TMEM141: variants seen among roughly 807,000 people sequenced by gnomAD.
TMEM141 encodes the protein transmembrane protein 141.
TMEM141 carries 18 observed loss-of-function variants against 15.9 expected under a neutral mutation model. The ratio of observed to expected loss-of-function variants is 1.13; its 90% CI spans 0.78 to 1.68. TMEM141 has a LOEUF of 1.68. Ranked by LOEUF, TMEM141 falls within the 40% of genes most tolerant of loss-of-function variation. The pLI, the probability that TMEM141 is intolerant of heterozygous loss-of-function variation, is 0.00. For missense variants in TMEM141, 161 were observed against 139.5 expected, an observed-to-expected ratio of 1.15 and a Z score of -0.78; for synonymous variants, 69 against 54.0, an observed-to-expected ratio of 1.28 and a Z score of -1.22.
intron 1 of TMEM141, 101 bp downstream of exon 1, chr9:136,791,525 C>A: frequency 6.5e-7 from 1 of 1,543,700 alleles, no homozygotes. Flanking sequence ...GGAAGAGTGG[C>A]GGAGGCTGGG....
chr9:136,792,928 T>G lies in TMEM141; in HGVS notation c.*96T>G. 2 of 1,397,432 alleles carry G rather than the reference T, an allele frequency of 1.4e-6. No homozygotes were observed. The highest frequency in any genetic ancestry group is 1.9e-6 in the Non-Finnish European group (2 of 1,069,656). The allele number at this position is 1,397,432 out of a possible 1,614,324, so 86.6% of individuals were successfully genotyped here. A position where few individuals can be genotyped will look rare whatever the true frequency, so the allele number is the denominator to read the frequency against. ...CCCCAGGCCGACCCTCCCCACACCC[T>G]AGGGTACCCCAGTCGTATCCTCTGT... On this transcript the variant is annotated 3_prime_UTR_variant, in exon 5 of 5. Transcript: ENST00000290079.
chr9:136,792,333 G>A lies in TMEM141; in HGVS notation c.288G>A (p.Gly96=), dbSNP rs748490308. 2.5e-6 allele frequency: 4 copies of A among 1,581,688 alleles called. No homozygotes were observed. The highest frequency in any genetic ancestry group is 3.4e-6 in the Non-Finnish European group (4 of 1,163,408). ...CNNLWLFLET[G]QLPKDRSTDQ... is the part of the protein sequence containing the mutation. ...ACCTCTGGCTCTTCCTGGAGACCGGGCAGCTCCCCAAAGACAGGAGCACAG... is the reference window on the plus strand; with the variant it reads ...ACCTCTGGCTCTTCCTGGAGACCGGACAGCTCCCCAAAGACAGGAGCACAG... Residue 96 remains glycine (G), a synonymous_variant, in exon 4 of 5, where the codon GGG becomes GGA. Coordinates refer to ENST00000290079, the MANE Select transcript of TMEM141 (RefSeq NM_032928.4).
rs1442206720 is a variant in TMEM141, at chr9:136,791,743, C to T, written c.87C>T (p.His29=). The T allele has an allele frequency of 3.1e-6, 5 of 1,613,540 alleles. No homozygotes were observed. Among genetic ancestry groups the T allele is most frequent in the African/African-American group, 2.7e-5 (2 of 75,040 alleles). ...GLGEYAACQS[H]AFMKGVFTFV... ...GGGAGTATGCCGCATGCCAGTCACA[C>T]GCCTTCATGAAGGGCGTTTTCACCT... The change falls in exon 2 of 5, where the codon CAC becomes CAT. Residue 29 remains histidine, a synonymous_variant. Coordinates refer to ENST00000290079, the MANE Select transcript of TMEM141 (RefSeq NM_032928.4).
rs755145111 is a variant in TMEM141 at position 136,792,800 on chromosome 9, C to G, written c.314-19C>G. ...CACGATGGATGTGGTTCGAGCTTGTCTCTCTTTGCCTTTTACAGATCAGAG... is the reference window on the plus strand; with the variant it reads ...CACGATGGATGTGGTTCGAGCTTGTGTCTCTTTGCCTTTTACAGATCAGAG... On this transcript the variant is annotated intron_variant, in intron 4 of 4. Coordinates refer to ENST00000290079, the MANE Select transcript of TMEM141 (RefSeq NM_032928.4). 1 of 1,552,018 alleles carries G rather than the reference C, an allele frequency of 6.4e-7. No homozygotes were observed. The highest frequency in any genetic ancestry group is 1.2e-5 in the South Asian group (1 of 82,802).
At chr9:136,791,489 C>T in intron 1 of TMEM141, 65 bp downstream of exon 1, 3 of 1,547,422 alleles carry the variant, frequency 1.9e-6, no homozygotes, top group Non-Finnish European at 2.6e-6. Context: ...AGGCGGGGGG[C>T]CGGGGCGTGG....
At position 136,792,864 on chromosome 9, in the gene TMEM141, G is replaced by T; in HGVS notation, c.*32G>T. 6.5e-7 allele frequency: 1 copy of T among 1,529,554 alleles called. No individual in the cohort carries two copies. Among genetic ancestry groups the T allele is most frequent in the Non-Finnish European group, 8.8e-7 (1 of 1,137,444 alleles). The allele number at this position is 1,529,554 out of a possible 1,614,324, so 94.7% of individuals were successfully genotyped here. A position where few individuals can be genotyped will look rare whatever the true frequency, so the allele number is the denominator to read the frequency against. On this transcript the variant is annotated 3_prime_UTR_variant, in exon 5 of 5. Coordinates refer to ENST00000290079, the MANE Select transcript of TMEM141 (RefSeq NM_032928.4). The stretch of plus-strand genomic sequence containing the variant: ...TCCAGCAGGGGCACAGAGGATTGGG[G>T]GCAGGAGGAGTCTGGAACACAGCCT...
intron 2 of TMEM141, 63 bp from the exon 3 acceptor site, chr9:136,791,884 C>CCTG: frequency 6.2e-7 from 1 of 1,611,714 alleles, no homozygotes; most frequent in Non-Finnish European, 8.5e-7. Flanking sequence ...GTGCTGGGGG[C>CCTG]CTGGCAAGGT....
chr9:136,792,100 C>G (rs959987307), intron 3 of TMEM141, 70 bp downstream of exon 3: 10 of 1,593,446 alleles, frequency 6.3e-6, no homozygotes, highest in Middle Eastern at 1.7e-4. Flanking sequence ...GGCTGTGGTT[C>G]TGCGTCCCTG....
Position 136,792,965 on chromosome 9 carries a change from GC to G in TMEM141, c.*135del. The G allele has an allele frequency of 8.1e-7, 1 of 1,237,522 alleles. No homozygotes were observed. Among genetic ancestry groups the G allele is most frequent in the Non-Finnish European group, 1.0e-6 (1 of 972,592 alleles). 76.7% of individuals were successfully genotyped at this position (1,237,522 alleles called of 1,614,324 possible). On this transcript the variant is annotated 3_prime_UTR_variant, in exon 5 of 5. Transcript: ENST00000290079. Reference sequence around the variant, plus strand: ...GTCGTATCCTCTGTCCGCATGTGTGGCCAGGCCTGACAAACACCTGCAGATG... The same window carrying G: ...GTCGTATCCTCTGTCCGCATGTGTGGCAGGCCTGACAAACACCTGCAGATG...
In TMEM141 at chr9:136,792,276, G is replaced by A. The variant is rs759120827; in HGVS notation, c.231G>A (p.Gly77=). Residue 77 remains glycine, a synonymous_variant, in exon 4 of 5, where the codon GGG becomes GGA. Transcript: ENST00000290079. ...AVVAGSVVSY[G]VTRVESEKCN... Reference sequence around the variant, plus strand: ...TTGCAGGCTCTGTGGTCAGCTACGGGGTGACGAGAGTGGAGTCGGAGAAAT... The same window carrying A: ...TTGCAGGCTCTGTGGTCAGCTACGGAGTGACGAGAGTGGAGTCGGAGAAAT... 1.5e-5 allele frequency: 24 copies of A among 1,587,430 alleles called. No individual in the cohort carries two copies. The highest frequency in any genetic ancestry group is 1.1e-4 in the African/African-American group (8 of 74,328).
chr9:136,792,516 G>T, intron 4 of TMEM141, 158 bp downstream of exon 4: 1 of 664,238 alleles, frequency 1.5e-6, no homozygotes, highest in Non-Finnish European at 2.6e-6. Flanking sequence ...GTTGGAGCTG[G>T]GGGTGGGCGC....
At position 136,792,256 on chromosome 9, in the gene TMEM141, G is replaced by A; in HGVS notation, c.211G>A (p.Gly71Ser). The part of the protein sequence containing the change: ...QWSLLVAVVA[G>S]SVVSYGVTRV... ...TTCCATTTCCTGCTCCACAGTTGCA[G>A]GCTCTGTGGTCAGCTACGGGGTGAC... Residue 71 changes from glycine to serine, a missense_variant, in exon 4 of 5, where the codon GGC (glycine) becomes AGC (serine). Gly to Ser is a moderately conservative substitution (Grantham distance 56). Transcript: ENST00000290079. 1.3e-6 allele frequency: 2 copies of A among 1,580,928 alleles called. No individual in the cohort carries two copies. Among genetic ancestry groups the A allele is most frequent in the Non-Finnish European group, 1.7e-6 (2 of 1,162,786 alleles).
rs1453138828 is a variant in TMEM141 at position 136,793,270 on chromosome 9, C to T, written c.*438C>T. 6.5e-6 allele frequency: 1 copy of T among 154,834 alleles called. No individual in the cohort carries two copies. The allele number at this position is 154,834 out of a possible 1,614,324, so 9.6% of individuals were successfully genotyped here. On this transcript the variant is annotated 3_prime_UTR_variant, in exon 5 of 5. Transcript: ENST00000290079. The stretch of plus-strand genomic sequence containing the variant: ...ATCCTTCTCTCCACCCAAGTTTCCA[C>T]CTGACCAGGTGAAAAACAAATCAGA...
rs116141120 is a variant in TMEM141 at position 136,793,134 on chromosome 9, A to T, written c.*302A>T. The T allele has an allele frequency of 9.6e-3, 2,342 of 243,634 alleles. 57 individuals carry two copies. Among genetic ancestry groups the T allele is most frequent in the African/African-American group, 0.049 (2,174 of 44,558 alleles). The allele number at this position is 243,634 out of a possible 1,614,324, so 15.1% of individuals were successfully genotyped here. ...GTGTCTGGGGGCCACCACCTATGGGACACGGGGTCGAAGGGGCCTGTACAC... is the reference window on the plus strand; with the variant it reads ...GTGTCTGGGGGCCACCACCTATGGGTCACGGGGTCGAAGGGGCCTGTACAC... On this transcript the variant is annotated 3_prime_UTR_variant, in exon 5 of 5. Coordinates refer to ENST00000290079, the MANE Select transcript of TMEM141 (RefSeq NM_032928.4).
At chr9:136,791,901 T>TG (rs1417909024) in intron 2 of TMEM141, 46 bp from the exon 3 acceptor site, 1 of 1,613,426 alleles carries the variant, frequency 6.2e-7, no homozygotes, top group East Asian at 2.2e-5. Context: ...AGGTGGGCCC[T>TG]GGCTATCCCC....
In TMEM141 at chr9:136,791,960, C is replaced by T; in HGVS notation, c.135C>T (p.Ala45=). The T allele has an allele frequency of 6.2e-7, 1 of 1,614,130 alleles. No individual in the cohort carries two copies. The highest frequency in any genetic ancestry group is 2.2e-5 in the East Asian group (1 of 44,886). Residue 45 remains alanine, a synonymous_variant, in exon 3 of 5, where the codon GCC becomes GCT. Transcript: ENST00000290079. ...GGCTCTTTGCAGGCACCGGCATGGC[C>T]TTTGGCTTGCAGATGTTCATTCAGA... ...VFTFVTGTGM[A]FGLQMFIQRK...
chr9:136,791,787 G>T lies in TMEM141; in HGVS notation c.121+10G>T, dbSNP rs373356051. ...TTCACCTTCGTCACAGGTAGGCTGC[G>T]TCCAGGTGTCCTGCGGCTGGGAGAG... On this transcript the variant is annotated intron_variant, in intron 2 of 4. Coordinates refer to ENST00000290079, the MANE Select transcript of TMEM141 (RefSeq NM_032928.4). The T allele has an allele frequency of 6.2e-7, 1 of 1,612,586 alleles. No individual in the cohort carries two copies. The highest frequency in any genetic ancestry group is 2.2e-5 in the East Asian group (1 of 44,860).
At chr9:136,792,665 G>A (rs548843663) in intron 4 of TMEM141, among the ~76,000 whole-genome samples, 154 bp from the exon 5 acceptor site, 5 of 152,350 alleles carry the variant, frequency 3.3e-5, no homozygotes, top group East Asian at 1.9e-4. Context: ...AGAGGAGTGA[G>A]GCTGGACTGA....
At chr9:136,791,481 G>A (rs2131119681) in intron 1 of TMEM141, 57 bp downstream of exon 1, 2 of 1,548,888 alleles carry the variant, frequency 1.3e-6, no homozygotes. Flanking sequence ...CCTGAGCGAG[G>A]CGGGGGGCCG....
Sources: gnomAD v4.1 joint callset for allele counts (sites outside exome capture counted in the v4.1 genomes callset) on GRCh38, gnomAD v4.1.1 for gene constraint, MANE v1.5 for transcripts, NCBI Gene and HGNC (gene_info 2026-07-23, HGNC 2026-07-21) for gene names.